Variants in NFIA observed in about 807,000 individuals in gnomAD.
NFIA encodes the protein nuclear factor I A.
Under a neutral mutation model 62.8 loss-of-function variants are expected in NFIA, and 8 were observed. That is an observed-to-expected ratio of 0.13 (90% CI 0.07 to 0.23). The LOEUF (loss-of-function observed/expected upper bound fraction) is 0.23. Ranked by LOEUF, NFIA falls within the 10% of genes least tolerant of loss-of-function variation. The pLI, the probability that NFIA is intolerant of heterozygous loss-of-function variation, is 1.00. For synonymous variants in NFIA, 235 were observed against 238.1 expected, an observed-to-expected ratio of 0.99 and a Z score of 0.12; for missense variants, 410 against 642.1, an observed-to-expected ratio of 0.64 and a Z score of 3.91.
At chr1:61,121,874 G>T (rs1031797570) in intron 2 of NFIA, among the ~76,000 whole-genome samples, 2 of 152,126 alleles carry the variant, frequency 1.3e-5, no homozygotes, top group African/African-American at 4.8e-5. Flanking sequence ...TGTGCAGTCA[G>T]CTCAACTTGT....
At chr1:61,216,864 G>T (rs966280882) in intron 2 of NFIA, among the ~76,000 whole-genome samples, 1 of 151,808 alleles carries the variant, frequency 6.6e-6, no homozygotes, top group African/African-American at 2.4e-5. Context: ...GCTGGGCGTG[G>T]TGGTGGGTGC....
chr1:61,450,728 T>C (rs1252979428), intron 10 of NFIA, among the ~76,000 whole-genome samples: 1 of 152,118 alleles, frequency 6.6e-6, no homozygotes, highest in Non-Finnish European at 1.5e-5. Flanking sequence ...ACTTTGCCCT[T>C]GTTGAGGCCT....
At chr1:61,266,296 T>C (rs1027169872) in intron 2 of NFIA, among the ~76,000 whole-genome samples, 3 of 152,188 alleles carry the variant, frequency 2.0e-5, no homozygotes, top group Admixed American at 6.5e-5. Flanking sequence ...CAAACACCTA[T>C]TGACCTTTCC....
At chr1:61,403,395 G>A (rs548935634) in intron 7 of NFIA, among the ~76,000 whole-genome samples, 7 of 152,322 alleles carry the variant, frequency 4.6e-5, no homozygotes, top group Non-Finnish European at 1.0e-4. Context: ...ATGTAAGGGA[G>A]CAGTAGTTGT....
At chr1:61,377,549 T>C (rs1168582632) in intron 6 of NFIA, among the ~76,000 whole-genome samples, 1 of 152,176 alleles carries the variant, frequency 6.6e-6, no homozygotes, top group Non-Finnish European at 1.5e-5. Context: ...ACTTGTAACA[T>C]TTTGGGGTCC....
intron 2 of NFIA, among the ~76,000 whole-genome samples, chr1:61,204,209 A>C (rs1218303131): frequency 1.3e-5 from 2 of 152,178 alleles, no homozygotes; most frequent in African/African-American, 4.8e-5. Context: ...ACTTCTTATT[A>C]GTCTGTGGTC....
intron 3 of NFIA, among the ~76,000 whole-genome samples, chr1:61,305,173 G>T (rs974933577): frequency 1.3e-5 from 2 of 152,110 alleles, no homozygotes; most frequent in Non-Finnish European, 2.9e-5. Context: ...AGAAGGAAAA[G>T]AAGTCAGGTA....
At chr1:61,283,048 T>C (rs1030487146) in intron 3 of NFIA, among the ~76,000 whole-genome samples, 2 of 152,170 alleles carry the variant, frequency 1.3e-5, no homozygotes, top group Admixed American at 6.5e-5. Context: ...AATTTGAAAA[T>C]TACCCTGTGG....
chr1:61,138,169 C>T (rs186703479), intron 2 of NFIA, among the ~76,000 whole-genome samples: 5 of 152,132 alleles, frequency 3.3e-5, no homozygotes, highest in East Asian at 1.9e-4. Context: ...GATAATGGCT[C>T]GCTGCAGCCT....
At chr1:61,307,629 A>G (rs529231980) in intron 3 of NFIA, among the ~76,000 whole-genome samples, 8 of 152,282 alleles carry the variant, frequency 5.3e-5, no homozygotes, top group African/African-American at 1.4e-4. Context: ...GTACCCACAT[A>G]TGACTGTGCT....
At chr1:61,264,320 C>T (rs1656994843) in intron 2 of NFIA, among the ~76,000 whole-genome samples, 1 of 151,998 alleles carries the variant, frequency 6.6e-6, no homozygotes, top group Admixed American at 6.6e-5. Context: ...TATTAAAATA[C>T]ATCCAGGTGA....
intron 2 of NFIA, among the ~76,000 whole-genome samples, chr1:61,200,778 CA>C (rs776453598): frequency 3.9e-5 from 6 of 151,962 alleles, no homozygotes; most frequent in Non-Finnish European, 8.8e-5. Context: ...CTAAACAAAC[CA>C]AAAAACCTCC....
At chr1:61,230,625 G>A (rs1654616137) in intron 2 of NFIA, among the ~76,000 whole-genome samples, 1 of 152,072 alleles carries the variant, frequency 6.6e-6, no homozygotes, top group Non-Finnish European at 1.5e-5. Context: ...CTGCCAGAGT[G>A]ATCTTTCTGA....
At chr1:61,371,200 G>A (rs575730164) in intron 6 of NFIA, among the ~76,000 whole-genome samples, 2 of 152,232 alleles carry the variant, frequency 1.3e-5, no homozygotes, top group Admixed American at 6.5e-5. Context: ...CTTCATGTTC[G>A]AATGTCAAAA....
chr1:61,219,583 G>C (rs1026317856), intron 2 of NFIA, among the ~76,000 whole-genome samples: 7 of 151,808 alleles, frequency 4.6e-5, no homozygotes. Flanking sequence ...GCGTGGTGGC[G>C]GGCGCCTGTA....
At chr1:61,289,272 G>T (rs923810929) in intron 3 of NFIA, among the ~76,000 whole-genome samples, 5 of 152,216 alleles carry the variant, frequency 3.3e-5, no homozygotes, top group African/African-American at 1.2e-4. Flanking sequence ...AGGCAACCAT[G>T]TTCCTTGCAA....
chr1:61,411,913 G>GT (rs1433405043), intron 9 of NFIA, among the ~76,000 whole-genome samples: 4 of 151,804 alleles, frequency 2.6e-5, no homozygotes, highest in Non-Finnish European at 5.9e-5. Context: ...AAGCAAGGGG[G>GT]TGAGGTCAGA....
At chr1:61,260,378 C>T (rs1330619580) in intron 2 of NFIA, among the ~76,000 whole-genome samples, 1 of 152,208 alleles carries the variant, frequency 6.6e-6, no homozygotes, top group Non-Finnish European at 1.5e-5. Flanking sequence ...ATGAATTCAT[C>T]AGCGGATGAA....
At chr1:61,421,500 T>C (rs1395079279) in intron 9 of NFIA, among the ~76,000 whole-genome samples, 1 of 152,236 alleles carries the variant, frequency 6.6e-6, no homozygotes, top group Non-Finnish European at 1.5e-5. Context: ...CCAGTTTCTC[T>C]TCAAACTTCA....
Sources: gnomAD v4.1 joint callset for allele counts (sites outside exome capture counted in the v4.1 genomes callset) on GRCh38, gnomAD v4.1.1 for gene constraint, MANE v1.5 for transcripts, NCBI Gene and HGNC (gene_info 2026-07-23, HGNC 2026-07-21) for gene names.